Variants in CNIH4 observed in about 807,000 individuals in gnomAD.
The protein encoded by CNIH4 is cornichon family member 4.
In CNIH4, 9 loss-of-function variants were observed where a neutral mutation model predicts 21.5. The observed-to-expected ratio is 0.42, with a 90% confidence interval of 0.25 to 0.73. The LOEUF is 0.73. CNIH4 is among the 30% of genes least tolerant of loss of function. The pLI, the probability that CNIH4 is intolerant of heterozygous loss-of-function variation, is 0.27. For missense variants in CNIH4, 159 were observed against 170.0 expected, an observed-to-expected ratio of 0.94 and a Z score of 0.36; for synonymous variants, 67 against 59.1, an observed-to-expected ratio of 1.13 and a Z score of -0.61.
Position 224,379,054 on chromosome 1 carries a change from C to T in CNIH4, c.*3232C>T. On this transcript the variant is annotated 3_prime_UTR_variant, in exon 5 of 5. Transcript: ENST00000465271. The stretch of plus-strand genomic sequence containing the variant: ...CGTATCATTTTCCCTTGCCTTTTTC[C>T]TTCTATCCTTTCAGTGGTAGCAACT... 6.4e-7 allele frequency: 1 copy of T among 1,550,510 alleles called. No homozygotes were observed. Among genetic ancestry groups the T allele is most frequent in the Non-Finnish European group, 8.7e-7 (1 of 1,146,920 alleles).
At chr1:224,362,487 C>CTT (rs34251914) in intron 2 of CNIH4, among the ~76,000 whole-genome samples, 1 of 83,794 alleles carries the variant, frequency 1.2e-5, no homozygotes, top group Non-Finnish European at 2.4e-5. Flanking sequence ...TCGCTGTGTA[C>CTT]TTTTTTTTTT....
At position 224,377,966 on chromosome 1, in the gene CNIH4, A is replaced by G. The variant is rs1028892846; in HGVS notation, c.*2144A>G. ...GAGGTCAAAGCTCCTTACTTCTGAA[A>G]CATTAGCTGTGGTTAAAAACAAAAA... is the stretch of plus-strand genomic sequence containing the variant. On this transcript the variant is annotated 3_prime_UTR_variant, in exon 5 of 5. Transcript: ENST00000465271. 6.6e-6 allele frequency: 1 copy of G among 152,228 alleles called. No individual in the cohort carries two copies. Among genetic ancestry groups the G allele is most frequent in the African/African-American group, 2.4e-5 (1 of 41,462 alleles). The allele number at this position is 152,228 out of a possible 1,614,324, so 9.4% of individuals were successfully genotyped here. A position where few individuals can be genotyped will look rare whatever the true frequency, so the allele number is the denominator to read the frequency against.
intron 1 of CNIH4, 45 bp downstream of exon 1, chr1:224,357,038 C>T (rs1271581249): frequency 1.3e-6 from 2 of 1,583,448 alleles, no homozygotes; most frequent in Admixed American, 1.8e-5. Flanking sequence ...GGGGACACGG[C>T]TGAGGGTGGG....
chr1:224,376,209 G>A lies in CNIH4; in HGVS notation c.*387G>A. On this transcript the variant is annotated 3_prime_UTR_variant, in exon 5 of 5. Coordinates refer to ENST00000465271, the MANE Select transcript of CNIH4 (RefSeq NM_014184.4). ...CCTTCAGGTCTACTGAAAAGTTAGA[G>A]TACAAAACAACACTGTTGATCTGGA... 2 of 1,000,478 alleles carry A rather than the reference G, an allele frequency of 2.0e-6. No individual in the cohort carries two copies. The highest frequency in any genetic ancestry group is 2.4e-6 in the Non-Finnish European group (2 of 840,314). 62.0% of individuals were successfully genotyped at this position (1,000,478 alleles called of 1,614,324 possible).
At chr1:224,366,059 C>T in intron 3 of CNIH4, 68 bp downstream of exon 3, 6 of 982,760 alleles carry the variant, frequency 6.1e-6, no homozygotes, top group South Asian at 2.6e-5. Flanking sequence ...GTGTTTTTTT[C>T]AAGACAGGAT....
chr1:224,368,860 G>A (rs1212281998), intron 3 of CNIH4, among the ~76,000 whole-genome samples: 1 of 151,804 alleles, frequency 6.6e-6, no homozygotes, highest in Non-Finnish European at 1.5e-5. Context: ...ACTGTGTATT[G>A]GGGGTTCCAT....
chr1:224,363,227 A>G (rs1488404319), intron 2 of CNIH4, among the ~76,000 whole-genome samples: 3 of 152,030 alleles, frequency 2.0e-5, no homozygotes, highest in Admixed American at 1.3e-4. Flanking sequence ...TATTTTTAAT[A>G]GAGATGAAGT....
At chr1:224,358,851 C>G (rs1672191436) in intron 1 of CNIH4, among the ~76,000 whole-genome samples, 1 of 152,062 alleles carries the variant, frequency 6.6e-6, no homozygotes, top group South Asian at 2.1e-4. Context: ...AAAATACATT[C>G]GGGGGGTGTT....
chr1:224,361,822 T>C (rs7519734), intron 2 of CNIH4, among the ~76,000 whole-genome samples: 43,941 of 152,040 alleles, frequency 0.29, 7,942 homozygotes, highest in African/African-American at 0.5. Context: ...TAGGCTCAAG[T>C]GATCTGCCCT....
intron 4 of CNIH4, among the ~76,000 whole-genome samples, chr1:224,372,793 G>T (rs1477724740): frequency 6.6e-6 from 1 of 151,112 alleles, no homozygotes; most frequent in Non-Finnish European, 1.5e-5. Context: ...GGGGTTTCAG[G>T]ATGGTCTCAA....
intron 2 of CNIH4, among the ~76,000 whole-genome samples, chr1:224,363,583 C>T (rs935298077): frequency 6.6e-6 from 1 of 152,082 alleles, no homozygotes; most frequent in African/African-American, 2.4e-5. Context: ...CCTTAGTGTC[C>T]CAAGTAGCTG....
chr1:224,369,718 C>T (rs1372318562), intron 3 of CNIH4, among the ~76,000 whole-genome samples: 1 of 147,792 alleles, frequency 6.8e-6, no homozygotes, highest in Non-Finnish European at 1.5e-5. Context: ...CTCTTGTTGC[C>T]CAGGCTGGAG....
chr1:224,357,059 A>C, intron 1 of CNIH4, 66 bp downstream of exon 1: 1 of 1,554,386 alleles, frequency 6.4e-7, no homozygotes, highest in Non-Finnish European at 8.7e-7. Context: ...CCAGTTGGGC[A>C]CCCGGGCAGG....
At chr1:224,371,208 T>C in intron 3 of CNIH4, 75 bp from the exon 4 acceptor site, 1 of 1,464,552 alleles carries the variant, frequency 6.8e-7, no homozygotes, top group Non-Finnish European at 9.4e-7. Context: ...TCGATTATTA[T>C]TGGCTACTTA....
chr1:224,365,066 C>T (rs376611925), intron 2 of CNIH4, among the ~76,000 whole-genome samples: 6 of 152,166 alleles, frequency 3.9e-5, no homozygotes, highest in East Asian at 1.9e-4. Flanking sequence ...CTATATTGCT[C>T]TGCCATTATT....
intron 1 of CNIH4, 71 bp from the exon 2 acceptor site, chr1:224,360,424 G>A: frequency 1.3e-6 from 1 of 749,006 alleles, no homozygotes; most frequent in Non-Finnish European, 2.1e-6. Context: ...TTGTAACTGG[G>A]ATTGCTTTCT....
In CNIH4 at chr1:224,364,230, T is replaced by C. The variant is rs1474372435; in HGVS notation, c.139-1649T>C. On this transcript the variant is annotated intron_variant, in intron 2 of 4. Coordinates refer to ENST00000465271, the MANE Select transcript of CNIH4 (RefSeq NM_014184.4). ...TAGGGAGACTTCCTCTCTACAAAAA[T>C]AAAACAAGAGGAAAAAAAAAAGAAA... The C allele has an allele frequency of 3.3e-6, 3 of 906,626 alleles. No homozygotes were observed. The South Asian group carries it at 1.7e-4, about 52-fold the overall frequency. The allele number at this position is 906,626 out of a possible 1,614,324, so 56.2% of individuals were successfully genotyped here. A position where few individuals can be genotyped will look rare whatever the true frequency, so the allele number is the denominator to read the frequency against.
At position 224,356,931 on chromosome 1, in the gene CNIH4, G is replaced by A. The variant is rs776873507; in HGVS notation, c.7G>A (p.Ala3Thr). 5 of 1,609,916 alleles carry A rather than the reference G, an allele frequency of 3.1e-6. No homozygotes were observed. Among genetic ancestry groups the A allele is most frequent in the East Asian group, 2.2e-5 (1 of 44,780 alleles). The part of the protein sequence containing the change: ME[A>T]VVFVFSLLDC... Reference sequence around the variant, plus strand: ...GCGGCGACGGAGGAGGAGGATGGAGGCGGTGGTGTTCGTCTTCTCTCTCCT... The same window carrying A: ...GCGGCGACGGAGGAGGAGGATGGAGACGGTGGTGTTCGTCTTCTCTCTCCT... The change falls in exon 1 of 5, where the codon GCG (alanine) becomes ACG (threonine). Residue 3 changes from alanine (A) to threonine (T), a missense_variant. Transcript: ENST00000465271.
intron 3 of CNIH4, among the ~76,000 whole-genome samples, chr1:224,367,256 G>A (rs952613851): frequency 2.6e-5 from 4 of 152,096 alleles, no homozygotes; most frequent in Non-Finnish European, 4.4e-5. Context: ...TAAGTATGAT[G>A]TTGTAAAGTG....
Sources: gnomAD v4.1 joint callset for allele counts (sites outside exome capture counted in the v4.1 genomes callset) on GRCh38, gnomAD v4.1.1 for gene constraint, MANE v1.5 for transcripts, NCBI Gene and HGNC (gene_info 2026-07-23, HGNC 2026-07-21) for gene names.